Variants in ADAMTSL2 observed in about 807,000 individuals in gnomAD.
ADAMTSL2 encodes the protein ADAMTS-like protein 2.
A neutral mutation model predicts 117.0 loss-of-function variants in ADAMTSL2; 55 were observed. The ratio of observed to expected loss-of-function variants is 0.47; its 90% confidence interval spans 0.38 to 0.59. The LOEUF (loss-of-function observed/expected upper bound fraction) is 0.59, where lower values mean the gene tolerates loss of function less well. Among genes scored for constraint, ADAMTSL2 ranks in the 20% least tolerant of loss-of-function variants. The pLI is 0.00. For synonymous variants in ADAMTSL2, 572 were observed against 566.4 expected (o/e 1.01, Z -0.14); for missense variants, 1,182 against 1,354.5 (o/e 0.87, Z 2.00).
chr9:133,534,558 G>A, upstream of ADAMTSL2: 1 of 974,744 alleles, frequency 1.0e-6, no homozygotes, highest in Non-Finnish European at 1.3e-6. Flanking sequence ...AGCTGGGCCG[G>A]CCTGGCCGGG....
At position 133,568,712 on chromosome 9, in the gene ADAMTSL2, C is replaced by G; in HGVS notation, c.2198C>G (p.Thr733Arg). The G allele has an allele frequency of 6.2e-7, 1 of 1,613,256 alleles. No individual in the cohort carries two copies. Among genetic ancestry groups the G allele is most frequent in the South Asian group, 1.1e-5 (1 of 91,068 alleles). The change falls in exon 15 of 19, where the codon ACG becomes AGG. Residue 733 changes from threonine to arginine, a missense_variant. Physicochemically the swap from Thr to Arg is moderately conservative, Grantham distance 71. Coordinates refer to ENST00000651351, the MANE Select transcript of ADAMTSL2 (RefSeq NM_014694.4). ...NTRPVGEKNC[T>R]GPPCDRQWTV... is the part of the protein sequence containing the mutation. ...AGGCCTGTAGGGGAGAAGAACTGCA[C>G]GGGCCCGCCCTGTGACCGGCAGTGG...
intron 9 of ADAMTSL2, among the ~76,000 whole-genome samples, chr9:133,547,571 G>A (rs1830381705): frequency 1.3e-5 from 2 of 152,222 alleles, no homozygotes; most frequent in Non-Finnish European, 2.9e-5. Flanking sequence ...ACTGTGGCTA[G>A]CTTCCCTGGA....
At chr9:133,564,535 A>G (rs1281868667) in intron 12 of ADAMTSL2, among the ~76,000 whole-genome samples, 2 of 82,182 alleles carry the variant, frequency 2.4e-5, no homozygotes, top group South Asian at 5.6e-4. Context: ...AGAGAGAGAC[A>G]GAGAGGGAGA....
rs868409633 is a variant in ADAMTSL2, at chr9:133,558,184, A to T, written c.1649+2254A>T. On this transcript the variant is annotated intron_variant, in intron 11 of 18. Transcript: ENST00000651351. The surrounding 1 kb of genome is among the most constrained non-coding windows in gnomAD (Gnocchi z 4.3). ...AGGGTCGATCAACTAGGCTGTCAGC[A>T]CTCAGAAAGGCCCTGACTGCTGAGA... Among the ~76,000 whole-genome samples, 203 of 152,270 alleles carry T rather than the reference A, an allele frequency of 1.3e-3. No individual in the cohort carries two copies. Among genetic ancestry groups the T allele is most frequent in the African/African-American group, 4.0e-3 (167 of 41,538 alleles).
chr9:133,548,732 C>T (rs1250666440), intron 9 of ADAMTSL2, among the ~76,000 whole-genome samples: 1 of 152,150 alleles, frequency 6.6e-6, no homozygotes, highest in African/African-American at 2.4e-5. Flanking sequence ...GACAGCTCCC[C>T]CTGGCTGAGG....
At chr9:133,555,487 C>T (rs1830583889) in intron 10 of ADAMTSL2, 71 bp from the exon 11 acceptor site, 1 of 1,599,250 alleles carries the variant, frequency 6.3e-7, no homozygotes, top group Non-Finnish European at 8.6e-7. Context: ...CGTCCAGGTC[C>T]CCTCCCCAGG....
chr9:133,572,005 A>G (rs1319378797), intron 17 of ADAMTSL2, among the ~76,000 whole-genome samples: 2 of 152,152 alleles, frequency 1.3e-5, no homozygotes, highest in East Asian at 3.9e-4. Flanking sequence ...GGTGGATGCA[A>G]GATCCTAAAC....
chr9:133,574,666 G>C lies in ADAMTSL2; in HGVS notation c.2738-80G>C, dbSNP rs370992465. The C allele has an allele frequency of 2.4e-5, 30 of 1,248,046 alleles. No homozygotes were observed. The African/African-American group carries it at 4.3e-4, about 18-fold the overall frequency. 77.3% of individuals were successfully genotyped at this position (1,248,046 alleles called of 1,614,324 possible). On this transcript the variant is annotated intron_variant, in intron 18 of 18. Transcript: ENST00000651351. Reference sequence around the variant, plus strand: ...GGGAGGCCCACTGCCCCTGGAAAACGGCACGTGGGGGTCCCTGGGGTTTTC... The same window carrying C: ...GGGAGGCCCACTGCCCCTGGAAAACCGCACGTGGGGGTCCCTGGGGTTTTC...
At chr9:133,573,186 C>T (rs1433441041) in intron 17 of ADAMTSL2, among the ~76,000 whole-genome samples, 1 of 152,216 alleles carries the variant, frequency 6.6e-6, no homozygotes, top group African/African-American at 2.4e-5. Context: ...GATGTGGGGT[C>T]ACCCACATTG....
chr9:133,546,644 G>A (rs1349853905), intron 8 of ADAMTSL2, among the ~76,000 whole-genome samples: 1 of 152,156 alleles, frequency 6.6e-6, no homozygotes, highest in Non-Finnish European at 1.5e-5. Context: ...GACGGGAGGG[G>A]CACCCAGGAC....
intron 17 of ADAMTSL2, among the ~76,000 whole-genome samples, chr9:133,572,688 T>A (rs1253882478): frequency 3.3e-5 from 5 of 151,986 alleles, no homozygotes; most frequent in African/African-American, 1.2e-4. Context: ...GGGAGGAGCA[T>A]CCCCCTAGCC....
intron 9 of ADAMTSL2, among the ~76,000 whole-genome samples, chr9:133,552,306 G>T (rs1027614434): frequency 6.6e-6 from 1 of 151,616 alleles, no homozygotes; most frequent in African/African-American, 2.4e-5. Flanking sequence ...TTCCACTAAT[G>T]TAAGGGGCTG....
chr9:133,536,591 TCC>T lies in ADAMTSL2; in HGVS notation c.-120_-119del, dbSNP rs1830057678. On this transcript the variant is annotated 5_prime_UTR_variant, in exon 2 of 19. An upstream open reading frame in the 5' UTR gains an earlier in-frame stop. Transcript: ENST00000651351. Reference sequence around the variant, plus strand: ...CTGCCAGACAACCACGACCAACTAGTCCCAGATAACCTTGAGGCCTGGGCACT... The same window carrying T: ...CTGCCAGACAACCACGACCAACTAGTCAGATAACCTTGAGGCCTGGGCACT... 1 of 1,606,720 alleles carries T rather than the reference TCC, an allele frequency of 6.2e-7. No individual in the cohort carries two copies. Among genetic ancestry groups the T allele is most frequent in the African/African-American group, 1.3e-5 (1 of 74,840 alleles).
At chr9:133,539,199 G>A (rs914379057) in intron 4 of ADAMTSL2, among the ~76,000 whole-genome samples, 4 of 152,218 alleles carry the variant, frequency 2.6e-5, no homozygotes, top group Admixed American at 6.5e-5. Flanking sequence ...TGCAGCCAGG[G>A]TTGGGGGAGG....
intron 18 of ADAMTSL2, 131 bp downstream of exon 18, chr9:133,574,118 C>A: frequency 3.9e-6 from 5 of 1,265,880 alleles, no homozygotes; most frequent in Non-Finnish European, 4.4e-6. Context: ...AGAGACCAAG[C>A]TGTGCAGGGA....
intron 15 of ADAMTSL2, among the ~76,000 whole-genome samples, chr9:133,568,975 CTCTCTCTGCCT>C: frequency 6.6e-6 from 1 of 152,268 alleles, no homozygotes; most frequent in Non-Finnish European, 1.5e-5. Flanking sequence ...CTCTCTGTAT[CTCTCTCTGCCT>C]TTGTCTCCCT....
In ADAMTSL2 at chr9:133,539,761, C is replaced by T. The variant is rs571169702; in HGVS notation, c.310-10C>T. ...TCCTCCCGGAGCCTCCCTGTCCCTT[C>T]GCTTCCCAGGAGTGTCCGCCGGACG... On this transcript the variant is annotated splice_polypyrimidine_tract_variant and intron_variant, in intron 4 of 18. Transcript: ENST00000651351. 91 of 1,363,050 alleles carry T rather than the reference C, an allele frequency of 6.7e-5. No homozygotes were observed. Among genetic ancestry groups the T allele is most frequent in the African/African-American group, 2.4e-4 (13 of 54,844 alleles). The allele number at this position is 1,363,050 out of a possible 1,614,324, so 84.4% of individuals were successfully genotyped here.
Position 133,536,814 on chromosome 9 carries a change from G to T in ADAMTSL2, c.90+12G>T. ...CAACCGGGTCCACGGTGAGTGGGGT[G>T]TTGTGGTCTGAGGGCCCATGCCAGT... On this transcript the variant is annotated intron_variant, in intron 2 of 18. Transcript: ENST00000651351. 6.2e-7 allele frequency: 1 copy of T among 1,614,152 alleles called. No individual in the cohort carries two copies. Among genetic ancestry groups the T allele is most frequent in the Non-Finnish European group, 8.5e-7 (1 of 1,180,034 alleles).
intron 12 of ADAMTSL2, among the ~76,000 whole-genome samples, chr9:133,564,693 G>GGAGAGAGAGAGGGAGA (rs1830919549): frequency 1.0e-5 from 1 of 95,530 alleles, no homozygotes; most frequent in Non-Finnish European, 2.3e-5. Context: ...AGAGGGAGAG[G>GGAGAGAGAGAGGGAGA]GAGAGAGAGA....
Sources: allele counts gnomAD v4.1 joint callset (sites outside exome capture counted in the v4.1 genomes callset), GRCh38; gene constraint gnomAD v4.1.1; non-coding constraint Gnocchi (gnomAD v3.1); transcripts MANE v1.5; gene names NCBI Gene and HGNC (gene_info 2026-07-23, HGNC 2026-07-21).